ABCC9: variants seen among roughly 807,000 people sequenced by gnomAD.
The protein encoded by ABCC9 is ATP binding cassette subfamily C member 9, also known as ATP-binding cassette sub-family C member 9.
A neutral mutation model predicts 188.3 loss-of-function variants in ABCC9; 95 were observed. That is an observed-to-expected ratio of 0.50 (90% CI 0.43 to 0.60). The LOEUF (loss-of-function observed/expected upper bound fraction) is 0.60, where lower values mean the gene tolerates loss of function less well. Among genes scored for constraint, ABCC9 ranks in the 20% least tolerant of loss-of-function variants. The probability of loss-of-function intolerance (pLI) is 0.00; values close to 1 mark genes in which losing one functional copy is unlikely to be tolerated. For missense variants in ABCC9, 1,102 were observed against 1,876.3 expected (o/e 0.59, Z 7.62); for synonymous variants, 659 against 652.7 (o/e 1.01, Z -0.15).
At position 21,851,812 on chromosome 12, in the gene ABCC9, C is replaced by T. The variant is rs532382904; in HGVS notation, c.2769+285G>A. Among the ~76,000 whole-genome samples, 3 of 152,284 alleles carry T rather than the reference C, an allele frequency of 2.0e-5. No homozygotes were observed. In the South Asian group the frequency reaches 6.2e-4, roughly 32 times the overall value. On this transcript the variant is annotated intron_variant, in intron 24 of 39. Coordinates refer to ENST00000261200, the MANE Select transcript of ABCC9 (RefSeq NM_020297.4). ...ACGCCATGCTTCAGTTAAGTAGTTT[C>T]TGTAAGTTTTAAACACACATATAAT...
At chr12:21,915,462 A>G (rs7962847) in intron 7 of ABCC9, among the ~76,000 whole-genome samples, 2 of 53,284 alleles carry the variant, frequency 3.8e-5, no homozygotes, top group African/African-American at 6.5e-5. Context: ...ATATGTGTGT[A>G]TATGTGTGTG....
intron 31 of ABCC9, among the ~76,000 whole-genome samples, chr12:21,824,186 C>T (rs939716839): frequency 1.3e-5 from 2 of 151,958 alleles, no homozygotes; most frequent in Non-Finnish European, 2.9e-5. Flanking sequence ...GTTTTTTGAG[C>T]GTTTTTAGCA....
At chr12:21,916,566 T>C (rs1253184716) in intron 6 of ABCC9, among the ~76,000 whole-genome samples, 1 of 152,208 alleles carries the variant, frequency 6.6e-6, no homozygotes, top group Non-Finnish European at 1.5e-5. Flanking sequence ...TAGATTATTT[T>C]CTTTTCAGTT....
In ABCC9 at chr12:21,815,831, C is replaced by T. The variant is rs200499616; in HGVS notation, c.3955G>A (p.Val1319Ile). ...GGTTTCAGATTATTTTCATATCTGA[C>T]ACACAGATCATGTATCTTGATCTCC... ...EGEIKIHDLC[V>I]RYENNLKPVL... Residue 1319 changes from valine to isoleucine, a missense_variant, in exon 34 of 40, where the codon GTC (valine) becomes ATC (isoleucine). Physicochemically the swap from Val to Ile is conservative, Grantham distance 29. Around this residue, in one of 12 missense-constraint regions of ABCC9, gnomAD observed 143 missense variants for 225.6 expected, o/e 0.63. Coordinates refer to ENST00000261200, the MANE Select transcript of ABCC9 (RefSeq NM_020297.4). 3.7e-6 allele frequency: 6 copies of T among 1,612,830 alleles called. No homozygotes were observed. The highest frequency in any genetic ancestry group is 5.1e-6 in the Non-Finnish European group (6 of 1,179,140).
At chr12:21,907,373 C>G (rs1948095062) in intron 11 of ABCC9, among the ~76,000 whole-genome samples, 3 of 152,044 alleles carry the variant, frequency 2.0e-5, no homozygotes, top group Admixed American at 2.0e-4. Flanking sequence ...ACTTGAGAAA[C>G]AATCCTGTCA....
chr12:21,886,338 A>G (rs895849742), intron 15 of ABCC9, among the ~76,000 whole-genome samples: 4 of 152,090 alleles, frequency 2.6e-5, no homozygotes, highest in African/African-American at 9.7e-5. Flanking sequence ...AGTCAAGCCA[A>G]TAACCTAGGA....
rs1360812718 is a variant in ABCC9 at position 21,882,758 on chromosome 12, A to G, written c.2019+8T>C. The G allele has an allele frequency of 1.9e-6, 3 of 1,599,746 alleles. No homozygotes were observed. Among genetic ancestry groups the G allele is most frequent in the Non-Finnish European group, 2.6e-6 (3 of 1,167,024 alleles). ...TATTCATGTAAGAATCCAGGAAATAAAAATAACCTTTATTGCAATGTCCTC... is the reference window on the plus strand; with the variant it reads ...TATTCATGTAAGAATCCAGGAAATAGAAATAACCTTTATTGCAATGTCCTC... On this transcript the variant is annotated splice_region_variant and intron_variant, in intron 16 of 39. Transcript: ENST00000261200.
intron 31 of ABCC9, among the ~76,000 whole-genome samples, chr12:21,818,526 A>ATGTGTGTGTGTGTG (rs71053348): frequency 1.1e-4 from 15 of 136,446 alleles, no homozygotes; most frequent in African/African-American, 4.1e-4. Context: ...ATATATATAT[A>ATGTGTGTGTGTGTG]TGTGTGTGTG....
chr12:21,925,368 C>A, intron 5 of ABCC9: 3 of 562,812 alleles, frequency 5.3e-6, no homozygotes, highest in Non-Finnish European at 9.6e-6. Flanking sequence ...CAATTTTAGT[C>A]ACAATGCAGG....
At chr12:21,808,004 C>T (rs1267682911) in intron 37 of ABCC9, among the ~76,000 whole-genome samples, 1 of 151,938 alleles carries the variant, frequency 6.6e-6, no homozygotes, top group Non-Finnish European at 1.5e-5. Context: ...AGCTGAATAA[C>T]ACACTGTTGT....
intron 14 of ABCC9, among the ~76,000 whole-genome samples, chr12:21,889,356 C>T (rs914284773): frequency 2.0e-5 from 3 of 152,110 alleles, no homozygotes; most frequent in African/African-American, 7.2e-5. Context: ...TTTTATTCCT[C>T]TTAAATGGCA....
chr12:21,898,308 C>A (rs1947526836), intron 12 of ABCC9, among the ~76,000 whole-genome samples: 1 of 152,030 alleles, frequency 6.6e-6, no homozygotes, highest in Non-Finnish European at 1.5e-5. Context: ...TGTTATTATT[C>A]TTGGCTACAT....
intron 5 of ABCC9, chr12:21,925,651 G>A: frequency 1.6e-6 from 1 of 639,274 alleles, no homozygotes; most frequent in South Asian, 1.8e-5. Flanking sequence ...CAAGCCAGAA[G>A]GCCAGCCATA....
rs1038568475 is a variant in ABCC9 at position 21,798,685 on chromosome 12, G to T, written c.*2359C>A. On this transcript the variant is annotated 3_prime_UTR_variant, in exon 40 of 40. Transcript: ENST00000261200. Reference sequence around the variant, plus strand: ...TAGTTTAACCATTGTGGAAGTCAGTGTGGCGATTCCTCAGGGATCTAGAAC... The same window carrying T: ...TAGTTTAACCATTGTGGAAGTCAGTTTGGCGATTCCTCAGGGATCTAGAAC... 6.6e-6 allele frequency: 1 copy of T among 152,014 alleles called. No homozygotes were observed. Among genetic ancestry groups the T allele is most frequent in the Non-Finnish European group, 1.5e-5 (1 of 68,030 alleles). The allele number at this position is 152,014 out of a possible 1,614,324, so 9.4% of individuals were successfully genotyped here.
chr12:21,827,570 A>ACACT (rs1555182432), intron 31 of ABCC9: 4 of 147,012 alleles, frequency 2.7e-5, no homozygotes, highest in South Asian at 4.4e-4. Flanking sequence ...ACACACACAC[A>ACACT]CTCACATATC....
chr12:21,926,006 G>A lies in ABCC9; in HGVS notation c.342C>T (p.Ala114=). Residue 114 remains alanine (A), a synonymous_variant, in exon 5 of 40, where the codon GCC becomes GCT. Coordinates refer to ENST00000261200, the MANE Select transcript of ABCC9 (RefSeq NM_020297.4). ...LFMPAVMGFV[A]TTTSIVYYHN... is the part of the protein sequence containing the mutation. ...GATAATACACTATCGATGTTGTAGT[G>A]GCAACGAATCCCATCACGGCTGGCA... 1 of 1,614,042 alleles carries A rather than the reference G, an allele frequency of 6.2e-7. No individual in the cohort carries two copies. The highest frequency in any genetic ancestry group is 8.5e-7 in the Non-Finnish European group (1 of 1,179,950).
chr12:21,884,417 T>C (rs956671973), intron 15 of ABCC9, among the ~76,000 whole-genome samples: 3 of 152,180 alleles, frequency 2.0e-5, no homozygotes, highest in African/African-American at 7.2e-5. Context: ...CTATGAAGGC[T>C]AAGTAATAAT....
chr12:21,906,050 C>T, intron 12 of ABCC9, 76 bp downstream of exon 12: 1 of 1,493,448 alleles, frequency 6.7e-7, no homozygotes, highest in South Asian at 1.1e-5. Flanking sequence ...TCATTGATCA[C>T]AATCTAAACT....
At chr12:21,850,158 T>C (rs1944888879) in intron 24 of ABCC9, among the ~76,000 whole-genome samples, 1 of 150,588 alleles carries the variant, frequency 6.6e-6, no homozygotes, top group Non-Finnish European at 1.5e-5. Flanking sequence ...GCACACTAGA[T>C]GCTAATAGCA....
Sources: allele counts gnomAD v4.1 joint callset (sites outside exome capture counted in the v4.1 genomes callset), GRCh38; gene constraint gnomAD v4.1.1; regional missense constraint gnomAD v4.1.1; transcripts MANE v1.5; gene names NCBI Gene and HGNC (gene_info 2026-07-23, HGNC 2026-07-21).